SDC2: variants seen among roughly 807,000 people sequenced by gnomAD.
The protein encoded by SDC2 is syndecan 2.
SDC2 carries 13 observed loss-of-function variants against 22.2 expected under a neutral mutation model. That is an observed-to-expected ratio of 0.59 (90% CI 0.38 to 0.93). The LOEUF (loss-of-function observed/expected upper bound fraction) is 0.93, where lower values mean the gene tolerates loss of function less well. Ranked by LOEUF, SDC2 falls within the 40% of genes least tolerant of loss-of-function variation. SDC2 has a pLI of 0.00. For synonymous variants in SDC2, 94 were observed against 92.8 expected, an observed-to-expected ratio of 1.01 and a Z score of -0.07; for missense variants, 235 against 246.8, an observed-to-expected ratio of 0.95 and a Z score of 0.32.
intron 1 of SDC2, among the ~76,000 whole-genome samples, chr8:96,527,537 C>T (rs577522805): frequency 4.6e-5 from 7 of 152,290 alleles, no homozygotes; most frequent in African/African-American, 7.2e-5. Context: ...CAGAACCCTA[C>T]GTGATCTGGT....
At chr8:96,604,960 T>G (rs1815052904) in intron 3 of SDC2, among the ~76,000 whole-genome samples, 1 of 152,244 alleles carries the variant, frequency 6.6e-6, no homozygotes, top group Non-Finnish European at 1.5e-5. Flanking sequence ...AAATGAATTT[T>G]CCACCCAGAG....
chr8:96,576,731 A>G (rs1280906101), intron 1 of SDC2, among the ~76,000 whole-genome samples: 1 of 152,092 alleles, frequency 6.6e-6, no homozygotes, highest in East Asian at 1.9e-4. Context: ...TTCTCTTTAT[A>G]TACAGCTTTT....
chr8:96,508,025 G>A (rs1459669423), intron 1 of SDC2, among the ~76,000 whole-genome samples: 16 of 152,114 alleles, frequency 1.1e-4, no homozygotes, highest in Middle Eastern at 3.4e-3. Flanking sequence ...GGCCAGGCGC[G>A]GTGGCTCATG....
At position 96,519,058 on chromosome 8, in the gene SDC2, A is replaced by G. The variant is rs535577072; in HGVS notation, c.60+24727A>G. 2.6e-5 allele frequency among the ~76,000 whole-genome samples: 4 copies of G among 152,296 alleles called. No homozygotes were observed. The South Asian group carries it at 6.2e-4, about 24-fold the overall frequency. On this transcript the variant is annotated intron_variant, in intron 1 of 4. Coordinates refer to ENST00000302190, the MANE Select transcript of SDC2 (RefSeq NM_002998.4). ...AAATCCATCCAGACACTCCCACTAC[A>G]GAGCCCTTGCGTGACAATTTTCTGT...
At chr8:96,501,304 T>C (rs988861594) in intron 1 of SDC2, among the ~76,000 whole-genome samples, 3 of 128,744 alleles carry the variant, frequency 2.3e-5, no homozygotes, top group Non-Finnish European at 3.3e-5. Context: ...TCTTTTTTTT[T>C]TTTTTTTTTT....
At chr8:96,572,885 CATTT>C (rs1814419963) in intron 1 of SDC2, among the ~76,000 whole-genome samples, 2 of 152,152 alleles carry the variant, frequency 1.3e-5, no homozygotes, top group African/African-American at 4.8e-5. Context: ...GCAGAGTCTT[CATTT>C]ATTTTTCAGT....
chr8:96,581,711 T>C (rs1207502939), intron 1 of SDC2, among the ~76,000 whole-genome samples: 2 of 151,988 alleles, frequency 1.3e-5, no homozygotes, highest in East Asian at 3.9e-4. Flanking sequence ...TAGATTCTGA[T>C]GGAGGTAGAT....
chr8:96,567,265 C>T (rs910275208), intron 1 of SDC2, among the ~76,000 whole-genome samples: 13 of 152,124 alleles, frequency 8.5e-5, no homozygotes, highest in Admixed American at 2.0e-4. Flanking sequence ...ATTCTGGTAG[C>T]GAAAGGGGAA....
intron 1 of SDC2, among the ~76,000 whole-genome samples, chr8:96,538,239 C>T (rs998574663): frequency 4.6e-5 from 7 of 152,160 alleles, no homozygotes; most frequent in Non-Finnish European, 7.4e-5. Flanking sequence ...GGATTACAGA[C>T]GTGAGCCACT....
At chr8:96,605,423 T>A (rs1340435198) in intron 3 of SDC2, among the ~76,000 whole-genome samples, 5 of 152,210 alleles carry the variant, frequency 3.3e-5, no homozygotes, top group African/African-American at 1.2e-4. Flanking sequence ...GTTGTCTGTC[T>A]TTCCACAAGG....
intron 1 of SDC2, among the ~76,000 whole-genome samples, chr8:96,567,824 C>T (rs1814325753): frequency 6.6e-6 from 1 of 152,154 alleles, no homozygotes; most frequent in Non-Finnish European, 1.5e-5. Context: ...AGTAACACCT[C>T]CGTTGAGCAC....
At chr8:96,568,546 A>G (rs1024917633) in intron 1 of SDC2, among the ~76,000 whole-genome samples, 8 of 152,210 alleles carry the variant, frequency 5.3e-5, no homozygotes, top group African/African-American at 1.9e-4. Flanking sequence ...GAAAACCTGG[A>G]AATGGAGCTC....
chr8:96,586,828 G>T (rs954605043), intron 1 of SDC2, among the ~76,000 whole-genome samples: 2 of 152,210 alleles, frequency 1.3e-5, no homozygotes, highest in African/African-American at 4.8e-5. Flanking sequence ...TGGAAGGGAT[G>T]TTGAAGTGTT....
At chr8:96,601,550 A>G (rs1814985332) in intron 2 of SDC2, among the ~76,000 whole-genome samples, 1 of 147,112 alleles carries the variant, frequency 6.8e-6, no homozygotes, top group African/African-American at 2.5e-5. Flanking sequence ...CTGAGGCAGG[A>G]GAATCACTTC....
chr8:96,528,665 A>G (rs1205888798), intron 1 of SDC2, among the ~76,000 whole-genome samples: 1 of 152,118 alleles, frequency 6.6e-6, no homozygotes, highest in Non-Finnish European at 1.5e-5. Context: ...TCTTTGTTTG[A>G]TTTTAAACAA....
chr8:96,524,166 G>A (rs986568080), intron 1 of SDC2, among the ~76,000 whole-genome samples: 1 of 152,234 alleles, frequency 6.6e-6, no homozygotes, highest in African/African-American at 2.4e-5. Flanking sequence ...CCAGGTGCCT[G>A]CACGGTGCTG....
chr8:96,580,450 C>T (rs934300720), intron 1 of SDC2: 2 of 985,272 alleles, frequency 2.0e-6, no homozygotes, highest in Non-Finnish European at 2.4e-6. Context: ...TTGCTTGTTG[C>T]CACTGAGGGG....
At position 96,567,106 on chromosome 8, in the gene SDC2, G is replaced by T. The variant is rs754621037; in HGVS notation, c.61-26374G>T. Among the ~76,000 whole-genome samples the T allele has an allele frequency of 2.0e-5, 3 of 152,162 alleles. No individual in the cohort carries two copies. In the South Asian group the frequency reaches 6.2e-4, roughly 32 times the overall value. On this transcript the variant is annotated intron_variant, in intron 1 of 4. Transcript: ENST00000302190. Reference sequence around the variant, plus strand: ...TCACCTCAAGTGATCCACCTGCCTCGGCTTCCCAAAGTGTTGGGATTACAG... The same window carrying T: ...TCACCTCAAGTGATCCACCTGCCTCTGCTTCCCAAAGTGTTGGGATTACAG...
At chr8:96,596,832 T>G (rs984066992) in intron 2 of SDC2, among the ~76,000 whole-genome samples, 1 of 152,110 alleles carries the variant, frequency 6.6e-6, no homozygotes, top group African/African-American at 2.4e-5. Context: ...GATGAGCTAG[T>G]GGGGACAGAC....
Sources: allele counts gnomAD v4.1 joint callset (sites outside exome capture counted in the v4.1 genomes callset), GRCh38; gene constraint gnomAD v4.1.1; transcripts MANE v1.5; gene names NCBI Gene and HGNC (gene_info 2026-07-23, HGNC 2026-07-21).